RTN4: variants seen among roughly 807,000 people sequenced by gnomAD.
RTN4 encodes the protein reticulon 4, also known as reticulon-4.
In RTN4, 32 loss-of-function variants were observed where a neutral mutation model predicts 90.4. The observed-to-expected ratio is 0.35, with a 90% CI of 0.27 to 0.48. RTN4 has a LOEUF of 0.48. Among genes scored for constraint, RTN4 ranks in the 20% least tolerant of loss-of-function variants. RTN4 has a pLI of 0.99. For synonymous variants in RTN4, 629 were observed against 552.5 expected (o/e 1.14, Z -1.94); for missense variants, 1,706 against 1,430.2 (o/e 1.19, Z -3.11).
chr2:55,013,539 T>C (rs1234388636), intron 3 of RTN4, among the ~76,000 whole-genome samples: 1 of 140,620 alleles, frequency 7.1e-6, no homozygotes, highest in Non-Finnish European at 1.5e-5. Context: ...CATAAATCAA[T>C]TCCTACTAAA....
intron 1 of RTN4, among the ~76,000 whole-genome samples, chr2:55,105,235 T>G (rs1384054288): frequency 4.8e-5 from 7 of 144,800 alleles, no homozygotes; most frequent in Non-Finnish European, 9.1e-5. Context: ...AAGTTTTTTT[T>G]TTTTTTTTTT....
chr2:55,006,964 G>C (rs1252258848), intron 3 of RTN4, among the ~76,000 whole-genome samples: 2 of 151,964 alleles, frequency 1.3e-5, no homozygotes, highest in East Asian at 3.9e-4. Context: ...GCCTCACTCT[G>C]CATTTGACTC....
upstream of RTN4, among the ~76,000 whole-genome samples, chr2:55,116,089 G>GTTTT (rs1558886323): frequency 1.2e-5 from 1 of 81,272 alleles, no homozygotes. Flanking sequence ...ATGGGGACTA[G>GTTTT]TCTTTTTTTT....
the RTN4 span, among the ~76,000 whole-genome samples, chr2:55,137,052 G>A: frequency 2.6e-5 from 4 of 152,216 alleles, no homozygotes; most frequent in African/African-American, 7.2e-5. Flanking sequence ...GCCAGGGAGA[G>A]ATGCATAAAG....
intron 3 of RTN4, among the ~76,000 whole-genome samples, chr2:54,996,648 C>A (rs183159240): frequency 6.6e-6 from 1 of 152,290 alleles, no homozygotes; most frequent in Admixed American, 6.5e-5. Flanking sequence ...AAACAAATGA[C>A]GTTGGATTCT....
At chr2:55,059,792 C>G (rs1229989469) in intron 2 of RTN4, among the ~76,000 whole-genome samples, 1 of 151,932 alleles carries the variant, frequency 6.6e-6, no homozygotes. Flanking sequence ...CAAGATTGCA[C>G]TACTGCATTC....
chr2:54,986,548 G>T (rs1174303365), intron 4 of RTN4, among the ~76,000 whole-genome samples: 1 of 152,244 alleles, frequency 6.6e-6, no homozygotes, highest in Middle Eastern at 3.4e-3. Context: ...CAGTGGAAAA[G>T]AACAAAATTT....
intron 4 of RTN4, among the ~76,000 whole-genome samples, chr2:54,984,531 G>C (rs1342956642): frequency 6.6e-6 from 1 of 152,148 alleles, no homozygotes; most frequent in Admixed American, 6.6e-5. Context: ...ACTGTTACTT[G>C]TTCTTGCTGA....
chr2:55,056,915 A>G (rs1668200716), intron 2 of RTN4, among the ~76,000 whole-genome samples: 2 of 152,328 alleles, frequency 1.3e-5, no homozygotes, highest in East Asian at 1.9e-4. Flanking sequence ...AGGTTATGCA[A>G]TAAGATATAA....
chr2:55,015,263 A>T (rs1022642833), intron 3 of RTN4, among the ~76,000 whole-genome samples: 3 of 152,206 alleles, frequency 2.0e-5, no homozygotes, highest in African/African-American at 7.2e-5. Flanking sequence ...GCTAGATCAG[A>T]GTATGGGAAT....
chr2:55,026,265 G>A lies in RTN4; in HGVS notation c.1834C>T (p.Pro612Ser), dbSNP rs1449263379. The change falls in exon 3 of 9, where the codon CCT becomes TCT. Residue 612 changes from proline (P) to serine (S), a missense_variant. Transcript: ENST00000337526. ...ESEATPSPVL[P>S]DIVMEAPLNS... ...AATGGTGCTTCCATAACAATGTCAG[G>A]CAAAACTGGTGAAGGAGTAGCTTCT... is the stretch of plus-strand genomic sequence containing the variant. 1 of 1,613,882 alleles carries A rather than the reference G, an allele frequency of 6.2e-7. No individual in the cohort carries two copies. The highest frequency in any genetic ancestry group is 1.7e-5 in the Admixed American group (1 of 59,936).
chr2:55,112,081 G>C (rs536930326), intron 1 of RTN4, among the ~76,000 whole-genome samples: 1 of 152,218 alleles, frequency 6.6e-6, no homozygotes, highest in African/African-American at 2.4e-5. Context: ...TCCAGAAAGA[G>C]CGTGCCTTGG....
At chr2:55,095,793 CCAT>C (rs1010211225) in intron 1 of RTN4, among the ~76,000 whole-genome samples, 17 of 152,176 alleles carry the variant, frequency 1.1e-4, no homozygotes, top group African/African-American at 4.1e-4. Flanking sequence ...TGTTAGGATC[CCAT>C]CCAGGATACC....
Position 54,973,111 on chromosome 2 carries a change from A to AT in RTN4, c.*44dup. ...GACCCTCCCCCGTATAATCAAATGA[A>AT]TATCCCCTTTAAAGATGAACTCCTA... is the stretch of plus-strand genomic sequence containing the variant. On this transcript the variant is annotated 3_prime_UTR_variant, in exon 9 of 9. Transcript: ENST00000337526. The AT allele has an allele frequency of 6.5e-7, 1 of 1,529,902 alleles. No homozygotes were observed. The highest frequency in any genetic ancestry group is 1.1e-5 in the South Asian group (1 of 87,190). 94.8% of individuals were successfully genotyped at this position (1,529,902 alleles called of 1,614,324 possible).
intron 3 of RTN4, among the ~76,000 whole-genome samples, chr2:55,023,306 T>C (rs1213161889): frequency 6.6e-6 from 1 of 152,178 alleles, no homozygotes; most frequent in Admixed American, 6.5e-5. Flanking sequence ...CCTTTCAACC[T>C]TGATTAGGCT....
At chr2:54,990,382 T>C (rs75903234) in intron 3 of RTN4, among the ~76,000 whole-genome samples, 9,990 of 152,242 alleles carry the variant, frequency 0.066, 539 homozygotes, top group South Asian at 0.19. Context: ...CCCATAAATA[T>C]ATACAGCTAT....
At chr2:55,038,330 T>C (rs184594467) in intron 1 of RTN4, among the ~76,000 whole-genome samples, 2 of 152,094 alleles carry the variant, frequency 1.3e-5, no homozygotes, top group African/African-American at 2.4e-5. Context: ...ATAAAATTAA[T>C]AGGCAAGCTA....
At chr2:55,052,531 G>C (rs1573483924), upstream of RTN4, among the ~76,000 whole-genome samples, 1 of 152,132 alleles carries the variant, frequency 6.6e-6, no homozygotes, top group Admixed American at 6.5e-5. Flanking sequence ...TTTGTGACTT[G>C]CTTTGAGTTT....
chr2:55,104,900 G>C (rs773464411), intron 1 of RTN4, among the ~76,000 whole-genome samples: 1 of 150,846 alleles, frequency 6.6e-6, no homozygotes, highest in Non-Finnish European at 1.5e-5. Context: ...TCAACCTCTC[G>C]GGCTCAAGCG....
Sources: allele counts gnomAD v4.1 joint callset (sites outside exome capture counted in the v4.1 genomes callset), GRCh38; gene constraint gnomAD v4.1.1; transcripts MANE v1.5; gene names NCBI Gene and HGNC (gene_info 2026-07-23, HGNC 2026-07-21).